Variants in EMCN observed in about 807,000 individuals in gnomAD.
EMCN encodes endomucin.
A neutral mutation model predicts 38.4 loss-of-function variants in EMCN; 37 were observed. The ratio of observed to expected loss-of-function variants is 0.96; its 90% confidence interval spans 0.74 to 1.27. The LOEUF (loss-of-function observed/expected upper bound fraction) is 1.27. Among genes scored for constraint, EMCN ranks in the 50% most tolerant of loss-of-function variants. The pLI is 0.00. For synonymous variants in EMCN, 95 were observed against 100.8 expected (o/e 0.94, Z 0.35); for missense variants, 318 against 302.8 (o/e 1.05, Z -0.37).
chr4:100,486,452 A>C (rs2110287644), intron 1 of EMCN, among the ~76,000 whole-genome samples: 1 of 152,368 alleles, frequency 6.6e-6, no homozygotes, highest in African/African-American at 2.4e-5. Context: ...GAAGCTTTTA[A>C]ATTTAAAGTA....
At chr4:100,486,730 C>T (rs1020344789) in intron 1 of EMCN, 1 of 507,190 alleles carries the variant, frequency 2.0e-6, no homozygotes, top group Admixed American at 6.4e-5. Context: ...CTGGGGAGAA[C>T]AGGAAGACAG....
chr4:100,511,972 C>T (rs1295899907), intron 1 of EMCN, among the ~76,000 whole-genome samples: 2 of 152,148 alleles, frequency 1.3e-5, no homozygotes, highest in African/African-American at 4.8e-5. Context: ...GCTAATGCTC[C>T]TGCACTTCTA....
intron 4 of EMCN, among the ~76,000 whole-genome samples, chr4:100,452,557 A>C (rs1291696858): frequency 6.6e-6 from 1 of 152,106 alleles, no homozygotes; most frequent in Non-Finnish European, 1.5e-5. Context: ...ACAATTCAGT[A>C]AAGGGAAAAA....
chr4:100,411,112 TC>T (rs903525599), intron 10 of EMCN, among the ~76,000 whole-genome samples: 1 of 152,218 alleles, frequency 6.6e-6, no homozygotes, highest in Non-Finnish European at 1.5e-5. Flanking sequence ...TGTTAGGAAA[TC>T]TGTCCTTTCG....
chr4:100,452,172 A>C (rs931366505), intron 4 of EMCN, among the ~76,000 whole-genome samples: 13 of 152,078 alleles, frequency 8.5e-5, no homozygotes, highest in Non-Finnish European at 1.8e-4. Flanking sequence ...CTAGTAGCTT[A>C]TCTAAAATGC....
In EMCN at chr4:100,460,962, T is replaced by C. The variant is rs140552781; in HGVS notation, c.376+4461A>G. Among the ~76,000 whole-genome samples, 322 of 152,310 alleles carry C rather than the reference T, an allele frequency of 2.1e-3. 1 individual carries two copies. The highest frequency in any genetic ancestry group is 3.4e-3 in the Non-Finnish European group (229 of 68,014). ...AATGTAAATAATATCATATCATTGC[T>C]CTGCTCTCAACTCTCCATCACATTG... On this transcript the variant is annotated intron_variant, in intron 4 of 11. Transcript: ENST00000296420.
chr4:100,499,550 A>G (rs1009752828), intron 1 of EMCN, among the ~76,000 whole-genome samples: 1 of 152,236 alleles, frequency 6.6e-6, no homozygotes, highest in African/African-American at 2.4e-5. Flanking sequence ...TAAAGTCTTC[A>G]GAAGAATTCA....
At chr4:100,476,832 A>G (rs1446771753) in intron 2 of EMCN, among the ~76,000 whole-genome samples, 2 of 152,242 alleles carry the variant, frequency 1.3e-5, no homozygotes, top group Non-Finnish European at 2.9e-5. Flanking sequence ...GTACAAAGAT[A>G]TCCCAGGCAC....
intron 2 of EMCN, among the ~76,000 whole-genome samples, chr4:100,479,058 C>T (rs1728737123): frequency 6.6e-6 from 1 of 152,138 alleles, no homozygotes; most frequent in South Asian, 2.1e-4. Flanking sequence ...AGAATCACCA[C>T]CCTATTCAAG....
At chr4:100,477,985 G>A (rs906772518) in intron 2 of EMCN, among the ~76,000 whole-genome samples, 13 of 152,124 alleles carry the variant, frequency 8.5e-5, no homozygotes, top group East Asian at 3.9e-4. Flanking sequence ...TACTAATTGC[G>A]TTGCTCTTTG....
In EMCN at chr4:100,421,284, G is replaced by A. The variant is rs777232534; in HGVS notation, c.662C>T (p.Pro221Leu). The A allele has an allele frequency of 1.1e-5, 17 of 1,611,850 alleles. No homozygotes were observed. In the Admixed American group the frequency reaches 2.0e-4, roughly 19 times the overall value. ...CAAAACAAAACACTGTTACCTACCCGGATCTGCCTTCCAGCACATTCGGTA... is the reference window on the plus strand; with the variant it reads ...CAAAACAAAACACTGTTACCTACCCAGATCTGCCTTCCAGCACATTCGGTA... Reference protein sequence around the residue: ...GLYRMCWKADPGTPENGNDQP... With the variant: ...GLYRMCWKADLGTPENGNDQP... Residue 221 changes from proline (P) to leucine (L), a missense_variant and splice_region_variant, in exon 8 of 12, where the codon CCG (proline) becomes CTG (leucine). Coordinates refer to ENST00000296420, the MANE Select transcript of EMCN (RefSeq NM_016242.4).
intron 3 of EMCN, among the ~76,000 whole-genome samples, chr4:100,468,708 C>T (rs357657): frequency 6.6e-6 from 1 of 151,918 alleles, no homozygotes; most frequent in Admixed American, 6.6e-5. Flanking sequence ...GAGCTGCACA[C>T]TGAAAACTAT....
At chr4:100,507,857 G>T (rs1729523524) in intron 1 of EMCN, among the ~76,000 whole-genome samples, 1 of 151,972 alleles carries the variant, frequency 6.6e-6, no homozygotes, top group Non-Finnish European at 1.5e-5. Flanking sequence ...AGACCACATG[G>T]AAAAATGAAA....
intron 5 of EMCN, among the ~76,000 whole-genome samples, chr4:100,432,493 G>T (rs1727231387): frequency 6.6e-6 from 1 of 151,974 alleles, no homozygotes; most frequent in Non-Finnish European, 1.5e-5. Context: ...CTTTTAGCTA[G>T]TGTACACATA....
intron 5 of EMCN, chr4:100,446,051 A>C: frequency 1.0e-6 from 1 of 984,738 alleles, no homozygotes; most frequent in Non-Finnish European, 1.2e-6. Flanking sequence ...AAAATGAAGG[A>C]TCCTTCAGTC....
At chr4:100,484,991 T>C (rs1160161406) in intron 1 of EMCN, among the ~76,000 whole-genome samples, 1 of 152,136 alleles carries the variant, frequency 6.6e-6, no homozygotes, top group Non-Finnish European at 1.5e-5. Context: ...TGAGAACATA[T>C]TTACTTGCCA....
chr4:100,448,826 C>CCTTCCTTCCTT (rs1179151604), intron 4 of EMCN, among the ~76,000 whole-genome samples: 2 of 139,234 alleles, frequency 1.4e-5, no homozygotes, highest in Non-Finnish European at 1.5e-5. Flanking sequence ...CTTCCTTCCT[C>CCTTCCTTCCTT]CCTCCCTCCC....
At chr4:100,517,782 A>G in intron 1 of EMCN, 69 bp downstream of exon 1, 1 of 1,448,746 alleles carries the variant, frequency 6.9e-7, no homozygotes, top group Non-Finnish European at 9.7e-7. Context: ...CCCTGAAAGT[A>G]AACTGAGGCT....
chr4:100,433,896 C>T (rs976186927), intron 5 of EMCN, among the ~76,000 whole-genome samples: 10 of 152,132 alleles, frequency 6.6e-5, no homozygotes, highest in Non-Finnish European at 1.3e-4. Flanking sequence ...CAACAGTGTA[C>T]AAGAGTTCCC....
Sources: gnomAD v4.1 joint callset for allele counts (sites outside exome capture counted in the v4.1 genomes callset) on GRCh38, gnomAD v4.1.1 for gene constraint, MANE v1.5 for transcripts, NCBI Gene and HGNC (gene_info 2026-07-23, HGNC 2026-07-21) for gene names.